EPHB2: variants seen among roughly 807,000 people sequenced by gnomAD.
EPHB2 encodes the protein EPH receptor B2.
In EPHB2, 18 loss-of-function variants were observed where a neutral mutation model predicts 96.4. The ratio of observed to expected loss-of-function variants is 0.19; its 90% CI spans 0.13 to 0.28. EPHB2 has a LOEUF of 0.28. EPHB2 is among the 10% of genes least tolerant of loss of function. The probability of loss-of-function intolerance (pLI) is 1.00; values close to 1 mark genes in which losing one functional copy is unlikely to be tolerated. For missense variants in EPHB2, 989 were observed against 1,355.4 expected, an observed-to-expected ratio of 0.73 and a Z score of 4.25; for synonymous variants, 506 against 534.1, an observed-to-expected ratio of 0.95 and a Z score of 0.72.
chr1:22,744,015 G>A (rs936911474), intron 1 of EPHB2, among the ~76,000 whole-genome samples: 1 of 152,128 alleles, frequency 6.6e-6, no homozygotes, highest in Non-Finnish European at 1.5e-5. Context: ...GTGCCAATTT[G>A]TTTCTAATGG....
chr1:22,750,696 A>G (rs1408129952), intron 1 of EPHB2, among the ~76,000 whole-genome samples: 1 of 152,254 alleles, frequency 6.6e-6, no homozygotes, highest in Non-Finnish European at 1.5e-5. Flanking sequence ...TCTTGTTTTC[A>G]TCATGAATAG....
intron 1 of EPHB2, among the ~76,000 whole-genome samples, chr1:22,758,709 A>T (rs546052435): frequency 1.3e-5 from 2 of 151,744 alleles, no homozygotes; most frequent in Non-Finnish European, 2.9e-5. Flanking sequence ...CCTCTCGGTG[A>T]CACAGTGGTA....
intron 9 of EPHB2, among the ~76,000 whole-genome samples, chr1:22,901,747 G>A (rs1297950377): frequency 6.6e-6 from 1 of 152,064 alleles, no homozygotes; most frequent in African/African-American, 2.4e-5. Flanking sequence ...TCTGTAGCCG[G>A]CCTGGGTTCA....
chr1:22,836,912 A>G (rs6426769), intron 3 of EPHB2: 150,298 of 152,418 alleles, frequency 0.99, 74,149 homozygotes, highest in East Asian at 1. Context: ...GGAGGTAGAC[A>G]GCCCAGGGCC....
chr1:22,891,265 C>T, intron 6 of EPHB2: 1 of 450,080 alleles, frequency 2.2e-6, no homozygotes, highest in Non-Finnish European at 4.5e-6. Context: ...AATAACATTG[C>T]ACGCACTGAA....
chr1:22,910,250 G>T, intron 13 of EPHB2, 132 bp from the exon 14 acceptor site: 1 of 1,147,104 alleles, frequency 8.7e-7, no homozygotes. Context: ...GCTGCCTCCA[G>T]GAGGTGAAAG....
At chr1:22,822,359 C>G (rs114703531) in intron 3 of EPHB2, among the ~76,000 whole-genome samples, 1,835 of 151,944 alleles carry the variant, frequency 0.012, 32 homozygotes, top group African/African-American at 0.042. Flanking sequence ...TGGAAAAGAC[C>G]TACCAAACAA....
At chr1:22,831,275 G>A (rs1289417821) in intron 3 of EPHB2, among the ~76,000 whole-genome samples, 1 of 152,178 alleles carries the variant, frequency 6.6e-6, no homozygotes, top group East Asian at 1.9e-4. Flanking sequence ...CACATAGAAG[G>A]TGTTCAGGTC....
In EPHB2 at chr1:22,913,204, AAAATGT is replaced by A; in HGVS notation, c.2853-255_2853-250del. ...CGAGACTCTGTCTCGAAAAAGAAAGAAAATGTAAGCTGGCTTCCCCCTCCCAATAGC... is the reference window on the plus strand; with the variant it reads ...CGAGACTCTGTCTCGAAAAAGAAAGAAAGCTGGCTTCCCCCTCCCAATAGC... On this transcript the variant is annotated intron_variant, in intron 15 of 15. Transcript: ENST00000374630. The surrounding 1 kb of genome is among the most constrained non-coding windows in gnomAD (Gnocchi z 4.1). 1.8e-6 allele frequency: 1 copy of A among 557,522 alleles called. No homozygotes were observed. The allele number at this position is 557,522 out of a possible 1,614,324, so 34.5% of individuals were successfully genotyped here.
intron 1 of EPHB2, among the ~76,000 whole-genome samples, chr1:22,763,174 C>A (rs1183892287): frequency 6.6e-6 from 1 of 152,206 alleles, no homozygotes; most frequent in Non-Finnish European, 1.5e-5. Flanking sequence ...GCGAGCAGAA[C>A]CTGGGCTACA....
rs142105900 is a variant in EPHB2, at chr1:22,903,382, C to T, written c.1766-2605C>T. ...AAGCAAGAGAGCATCCCCAGGAAGCCGATGCCCTGGCTCTGAGAAGGCTGA... is the reference window on the plus strand; with the variant it reads ...AAGCAAGAGAGCATCCCCAGGAAGCTGATGCCCTGGCTCTGAGAAGGCTGA... On this transcript the variant is annotated intron_variant, in intron 9 of 15. Transcript: ENST00000374630. Among the ~76,000 whole-genome samples, 7 of 152,342 alleles carry T rather than the reference C, an allele frequency of 4.6e-5. No homozygotes were observed. In the South Asian group the frequency reaches 1.0e-3, roughly 23 times the overall value.
intron 8 of EPHB2, 48 bp downstream of exon 8, chr1:22,895,628 TTC>T (rs61286018): frequency 4.6e-6 from 7 of 1,531,800 alleles, no homozygotes; most frequent in Non-Finnish European, 5.4e-6. Context: ...CCCAGATGGC[TTC>T]TCTCTCTCTA....
chr1:22,817,311 C>T (rs375260681), intron 3 of EPHB2, among the ~76,000 whole-genome samples: 1 of 152,238 alleles, frequency 6.6e-6, no homozygotes, highest in East Asian at 1.9e-4. Flanking sequence ...TCCTCATAAC[C>T]ACGCTCTGAA....
At chr1:22,831,931 C>A (rs769429838) in intron 3 of EPHB2, among the ~76,000 whole-genome samples, 3 of 152,178 alleles carry the variant, frequency 2.0e-5, no homozygotes, top group Non-Finnish European at 2.9e-5. Context: ...TAACCTGATT[C>A]TCTGCCCCAC....
At chr1:22,815,135 T>G (rs964715420) in intron 3 of EPHB2, among the ~76,000 whole-genome samples, 2 of 152,206 alleles carry the variant, frequency 1.3e-5, no homozygotes, top group African/African-American at 4.8e-5. Flanking sequence ...TCTGCTTCAT[T>G]GACGGCAGAG....
chr1:22,728,211 C>G (rs1643626753), intron 1 of EPHB2, among the ~76,000 whole-genome samples: 2 of 151,824 alleles, frequency 1.3e-5, no homozygotes, highest in African/African-American at 2.4e-5. Flanking sequence ...TTAGCAGGTG[C>G]TCAGTAAAAA....
At chr1:22,889,564 A>G (rs1639328910) in intron 6 of EPHB2, among the ~76,000 whole-genome samples, 1 of 152,222 alleles carries the variant, frequency 6.6e-6, no homozygotes, top group African/African-American at 2.4e-5. Flanking sequence ...TGGCCTCAGG[A>G]AATCCACATC....
intron 1 of EPHB2, among the ~76,000 whole-genome samples, chr1:22,734,251 G>A (rs1238976495): frequency 6.6e-6 from 1 of 152,152 alleles, no homozygotes; most frequent in Non-Finnish European, 1.5e-5. Context: ...CCCCGGCACA[G>A]CCCATGCACA....
At chr1:22,757,504 A>T (rs1343556049) in intron 1 of EPHB2, among the ~76,000 whole-genome samples, 1 of 152,020 alleles carries the variant, frequency 6.6e-6, no homozygotes, top group Non-Finnish European at 1.5e-5. Flanking sequence ...CAGTCATGGG[A>T]CTCTGAGCAT....
Sources: allele counts gnomAD v4.1 joint callset (sites outside exome capture counted in the v4.1 genomes callset), GRCh38; gene constraint gnomAD v4.1.1; non-coding constraint Gnocchi (gnomAD v3.1); transcripts MANE v1.5; gene names NCBI Gene and HGNC (gene_info 2026-07-23, HGNC 2026-07-21).